SP2: variants seen among roughly 807,000 people sequenced by gnomAD.
SP2 encodes the protein transcription factor Sp2.
In SP2, 9 loss-of-function variants were observed where a neutral mutation model predicts 50.1. The ratio of observed to expected loss-of-function variants is 0.18; its 90% CI spans 0.11 to 0.31. The LOEUF is 0.31. SP2 is among the 10% of genes least tolerant of loss of function. The pLI, the probability that SP2 is intolerant of heterozygous loss-of-function variation, is 1.00. For missense variants in SP2, 581 were observed against 806.5 expected, an observed-to-expected ratio of 0.72 and a Z score of 3.39; for synonymous variants, 313 against 326.6, an observed-to-expected ratio of 0.96 and a Z score of 0.45.
At chr17:47,912,678 C>A (rs2035040313) in intron 1 of SP2, among the ~76,000 whole-genome samples, 2 of 151,840 alleles carry the variant, frequency 1.3e-5, no homozygotes, top group Admixed American at 1.3e-4. Context: ...TTCCTGGCCT[C>A]AAGCAATCCT....
At chr17:47,926,333 G>C (rs1163488788) in intron 6 of SP2, among the ~76,000 whole-genome samples, 2 of 134,678 alleles carry the variant, frequency 1.5e-5, no homozygotes, top group African/African-American at 5.6e-5. Context: ...TTTTTTTTAA[G>C]ACAGGGTCTC....
intron 1 of SP2, among the ~76,000 whole-genome samples, chr17:47,906,390 G>A (rs1184515205): frequency 6.6e-6 from 1 of 152,204 alleles, no homozygotes; most frequent in Non-Finnish European, 1.5e-5. Flanking sequence ...CATGTGCCAG[G>A]CCTTGGTGTC....
intron 3 of SP2, chr17:47,917,806 C>A: frequency 2.3e-6 from 1 of 441,080 alleles, no homozygotes; most frequent in Non-Finnish European, 4.5e-6. Context: ...AACTGGGATG[C>A]TGAATTCAAC....
intron 5 of SP2, 93 bp downstream of exon 5, chr17:47,925,186 C>G: frequency 6.7e-7 from 1 of 1,489,408 alleles, no homozygotes; most frequent in Non-Finnish European, 9.0e-7. Context: ...TGGCACAGAC[C>G]AGGCAAGGAA....
At chr17:47,910,702 C>G (rs2034947936) in intron 1 of SP2, among the ~76,000 whole-genome samples, 1 of 152,182 alleles carries the variant, frequency 6.6e-6, no homozygotes, top group South Asian at 2.1e-4. Context: ...TCCTTGAGTT[C>G]TGCACACCCA....
chr17:47,906,896 A>T (rs1233808923), intron 1 of SP2, among the ~76,000 whole-genome samples: 1 of 152,154 alleles, frequency 6.6e-6, no homozygotes, highest in Non-Finnish European at 1.5e-5. Flanking sequence ...AAGCCGTGCG[A>T]GTAGGCATGG....
intron 6 of SP2, among the ~76,000 whole-genome samples, chr17:47,926,315 G>GTTT (rs71366809): frequency 3.6e-5 from 5 of 140,170 alleles, no homozygotes; most frequent in Non-Finnish European, 4.6e-5. Flanking sequence ...ATGGCTTTTT[G>GTTT]TTTTTTTTTT....
At position 47,916,282 on chromosome 17, in the gene SP2, A is replaced by G; in HGVS notation, c.211A>G (p.Lys71Glu). The G allele has an allele frequency of 1.2e-6, 2 of 1,614,040 alleles. No individual in the cohort carries two copies. The highest frequency in any genetic ancestry group is 1.7e-6 in the Non-Finnish European group (2 of 1,179,990). ...QPTPRKLVPI[K>E]PAPLPLSPGK... ...CACACCGCGGAAACTTGTCCCTATC[A>G]AACCTGCCCCTCTCCCTCTCAGCCC... Residue 71 changes from lysine to glutamate, a missense_variant, in exon 3 of 7, where the codon AAA becomes GAA. By Grantham distance (56) the Lys-to-Glu change is moderately conservative. Around this residue, in one of 2 missense-constraint regions of SP2, gnomAD observed 397 missense variants for 491.0 expected, o/e 0.81. Coordinates refer to ENST00000376741, the MANE Select transcript of SP2 (RefSeq NM_003110.6). This position sits in a 1 kb window ranked among gnomAD's most constrained non-coding sequence, Gnocchi z 4.7.
chr17:47,921,243 G>A (rs1356691207), intron 3 of SP2, among the ~76,000 whole-genome samples: 3 of 151,984 alleles, frequency 2.0e-5, no homozygotes, highest in Admixed American at 1.3e-4. Context: ...ATGGACTCAC[G>A]GATTGCTGCT....
At chr17:47,902,127 A>G (rs1214635635) in intron 1 of SP2, among the ~76,000 whole-genome samples, 1 of 151,930 alleles carries the variant, frequency 6.6e-6, no homozygotes, top group Non-Finnish European at 1.5e-5. Flanking sequence ...AGTGGGGAGG[A>G]GATTGAGCCT....
chr17:47,927,904 T>TGGC lies in SP2; in HGVS notation c.*81_*83dup. ...GGGCCCCTGGTGGAAAGGAGCCCTGTGGCTGCCTTGGGCCTGCCCTCAGCC... is the reference window on the plus strand; with the variant it reads ...GGGCCCCTGGTGGAAAGGAGCCCTGTGGCGGCTGCCTTGGGCCTGCCCTCAGCC... On this transcript the variant is annotated 3_prime_UTR_variant, in exon 7 of 7. Coordinates refer to ENST00000376741, the MANE Select transcript of SP2 (RefSeq NM_003110.6). The TGGC allele has an allele frequency of 1.2e-6, 1 of 855,410 alleles. No homozygotes were observed. Among genetic ancestry groups the TGGC allele is most frequent in the Non-Finnish European group, 1.9e-6 (1 of 516,838 alleles). The allele number at this position is 855,410 out of a possible 1,614,324, so 53.0% of individuals were successfully genotyped here. A position where few individuals can be genotyped will look rare whatever the true frequency, so the allele number is the denominator to read the frequency against.
chr17:47,931,315 C>G (rs2035813020), downstream of SP2, among the ~76,000 whole-genome samples: 3 of 152,148 alleles, frequency 2.0e-5, no homozygotes, highest in African/African-American at 7.2e-5. Context: ...CCACTGCACT[C>G]CAGCCTGGGT....
chr17:47,901,077 AGTCAC>A lies in SP2; in HGVS notation c.7+4787_7+4791del, dbSNP rs72336180. 9.2e-3 allele frequency among the ~76,000 whole-genome samples: 1,406 copies of A among 152,264 alleles called. 17 individuals carry two copies. Among genetic ancestry groups the A allele is most frequent in the African/African-American group, 0.03 (1,230 of 41,520 alleles). Reference sequence around the variant, plus strand: ...GTCAGGATGCAAACTAGCAAATGACAGTCACGTTTTGGAAAGAAGAATTAAGGGTG... The same window carrying A: ...GTCAGGATGCAAACTAGCAAATGACAGTTTTGGAAAGAAGAATTAAGGGTG... On this transcript the variant is annotated intron_variant, in intron 1 of 6. Transcript: ENST00000376741.
chr17:47,907,661 A>G (rs575805753), intron 1 of SP2, among the ~76,000 whole-genome samples: 13 of 152,352 alleles, frequency 8.5e-5, no homozygotes, highest in African/African-American at 3.1e-4. Context: ...GACCGGATGT[A>G]AACTACTGTT....
At chr17:47,920,319 T>C (rs2035400145) in intron 3 of SP2, among the ~76,000 whole-genome samples, 1 of 148,578 alleles carries the variant, frequency 6.7e-6, no homozygotes, top group Non-Finnish European at 1.5e-5. Context: ...AGACGAAGTC[T>C]CACTCTGTCA....
intron 1 of SP2, among the ~76,000 whole-genome samples, chr17:47,906,505 C>T (rs1035515867): frequency 6.6e-6 from 1 of 152,150 alleles, no homozygotes; most frequent in Non-Finnish European, 1.5e-5. Flanking sequence ...AGGAGTTAGC[C>T]TCATCTCAGG....
At chr17:47,910,901 C>G (rs1448213651) in intron 1 of SP2, among the ~76,000 whole-genome samples, 3 of 152,160 alleles carry the variant, frequency 2.0e-5, no homozygotes, top group African/African-American at 4.8e-5. Context: ...GCAGCAGTTA[C>G]CTGGTGATCT....
intron 1 of SP2, chr17:47,899,514 A>G (rs928580470): frequency 6.6e-6 from 1 of 152,192 alleles, no homozygotes; most frequent in Non-Finnish European, 1.5e-5. Context: ...ACTCGAGGGT[A>G]TTGTCAGGCC....
chr17:47,907,569 T>A (rs777060630), intron 1 of SP2, among the ~76,000 whole-genome samples: 1 of 152,236 alleles, frequency 6.6e-6, no homozygotes, highest in Admixed American at 6.5e-5. Context: ...CTGAATGATA[T>A]AACTTTGAAA....
Sources: allele counts gnomAD v4.1 joint callset (sites outside exome capture counted in the v4.1 genomes callset), GRCh38; gene constraint gnomAD v4.1.1; regional missense constraint gnomAD v4.1.1; non-coding constraint Gnocchi (gnomAD v3.1); transcripts MANE v1.5; gene names NCBI Gene and HGNC (gene_info 2026-07-23, HGNC 2026-07-21).